Variants in KIR3DL2 observed in about 807,000 individuals in gnomAD.
KIR3DL2 encodes the protein killer cell immunoglobulin-like receptor 3DL2.
In KIR3DL2, 42 loss-of-function variants were observed where a neutral mutation model predicts 41.6. The observed-to-expected ratio is 1.01, with a 90% CI of 0.79 to 1.31. The LOEUF is 1.31. Ranked by LOEUF, KIR3DL2 falls within the 50% of genes most tolerant of loss-of-function variation. KIR3DL2 has a pLI of 0.00. For missense variants in KIR3DL2, 728 were observed against 576.8 expected (o/e 1.26, Z -2.68); for synonymous variants, 230 against 221.3 (o/e 1.04, Z -0.35).
chr19:54,857,825 C>G (rs1429048400), intron 5 of KIR3DL2, among the ~76,000 whole-genome samples: 2 of 151,768 alleles, frequency 1.3e-5, no homozygotes, highest in East Asian at 1.9e-4. Context: ...GAATTACAGG[C>G]GTGAGCCACC....
rs1235573314 is a variant in KIR3DL2 at position 54,866,868 on chromosome 19, C to G, written c.*137C>G. 2.3e-5 allele frequency: 23 copies of G among 1,013,694 alleles called. No homozygotes were observed. Among genetic ancestry groups the G allele is most frequent in the Non-Finnish European group, 3.1e-5 (21 of 676,670 alleles). The allele number at this position is 1,013,694 out of a possible 1,614,324, so 62.8% of individuals were successfully genotyped here. ...TCTGAACATGCCTCTCTCTTGCTTA[C>G]AAATGCCTAAGGTCGCCACTGCCTG... On this transcript the variant is annotated 3_prime_UTR_variant, in exon 9 of 9. Coordinates refer to ENST00000326321, the MANE Select transcript of KIR3DL2 (RefSeq NM_006737.4).
rs1426088519 is a variant in KIR3DL2, at chr19:54,866,218, T to C, written c.1106-152T>C. 2.9e-5 allele frequency: 23 copies of C among 789,008 alleles called. No homozygotes were observed. The Admixed American group carries it at 5.1e-4, about 17-fold the overall frequency. 48.9% of individuals were successfully genotyped at this position (789,008 alleles called of 1,614,324 possible). On this transcript the variant is annotated intron_variant, in intron 7 of 8. Transcript: ENST00000326321. ...GAGAGCACTTCATGGGATGGGGTCT[T>C]GAACTCAGAGAGATAGAATGTCTGA...
Position 54,865,974 on chromosome 19 carries a change from C to T in KIR3DL2, c.1105+65C>T, listed in dbSNP as rs191856811. The stretch of plus-strand genomic sequence containing the variant: ...TGTGGGGAAGCAGGATGGGAGCACG[C>T]GGGTGTGTGTTCCTCACTGGCAGGA... On this transcript the variant is annotated intron_variant, in intron 7 of 8. Transcript: ENST00000326321. 6,006 of 1,375,120 alleles carry T rather than the reference C, an allele frequency of 4.4e-3. 20 individuals carry two copies. The highest frequency in any genetic ancestry group is 5.2e-3 in the Non-Finnish European group (5,122 of 976,076). 85.2% of individuals were successfully genotyped at this position (1,375,120 alleles called of 1,614,324 possible). A position where few individuals can be genotyped will look rare whatever the true frequency, so the allele number is the denominator to read the frequency against.
intron 6 of KIR3DL2, among the ~76,000 whole-genome samples, chr19:54,861,389 G>A (rs35005744): frequency 0.12 from 18,839 of 152,052 alleles, 1,330 homozygotes; most frequent in African/African-American, 0.19. Context: ...GCTCACGCCT[G>A]TAACCCAGCA....
chr19:54,855,831 A>T lies in KIR3DL2; in HGVS notation c.868A>T (p.Thr290Ser). 6.2e-7 allele frequency: 1 copy of T among 1,613,428 alleles called. No homozygotes were observed. The highest frequency in any genetic ancestry group is 8.5e-7 in the Non-Finnish European group (1 of 1,179,938). The change falls in exon 5 of 9, where the codon ACC becomes TCC. Residue 290 changes from threonine to serine, a missense_variant. Coordinates refer to ENST00000326321, the MANE Select transcript of KIR3DL2 (RefSeq NM_006737.4). Reference sequence around the variant, plus strand: ...TCTGGGCCCTGCCACCCACGGAGGGACCTACAGATGCTTCGGCTCTTTCCG... The same window carrying T: ...TCTGGGCCCTGCCACCCACGGAGGGTCCTACAGATGCTTCGGCTCTTTCCG... The part of the protein sequence containing the change: ...FPLGPATHGG[T>S]YRCFGSFRAL...
chr19:54,854,154 G>C lies in KIR3DL2; in HGVS notation c.655+108G>C. ...AGGAAGATAAGCGTGGGATTCTTAT[G>C]GAGAGAGACTGACTCGGTGAGGTCT... On this transcript the variant is annotated intron_variant, in intron 4 of 8. Transcript: ENST00000326321. 8.1e-6 allele frequency: 11 copies of C among 1,353,758 alleles called. No individual in the cohort carries two copies. The South Asian group carries it at 1.2e-4, about 14-fold the overall frequency. 83.9% of individuals were successfully genotyped at this position (1,353,758 alleles called of 1,614,324 possible).
Position 54,855,752 on chromosome 19 carries a change from A to G in KIR3DL2, c.789A>G (p.Glu263=). ...YHLSREGEAH[E]RRLRAVPKVN... is the part of the protein sequence containing the mutation. ...TGTCCAGGGAAGGGGAGGCCCATGA[A>G]CGTAGGCTCCGTGCAGTGCCCAAGG... is the stretch of plus-strand genomic sequence containing the variant. The change falls in exon 5 of 9, where the codon GAA becomes GAG. Residue 263 remains glutamate (E), a synonymous_variant. Coordinates refer to ENST00000326321, the MANE Select transcript of KIR3DL2 (RefSeq NM_006737.4). 1 of 1,613,392 alleles carries G rather than the reference A, an allele frequency of 6.2e-7. No individual in the cohort carries two copies. Among genetic ancestry groups the G allele is most frequent in the Non-Finnish European group, 8.5e-7 (1 of 1,179,922 alleles).
chr19:54,859,467 C>G (rs1030678976), intron 6 of KIR3DL2, among the ~76,000 whole-genome samples: 3 of 150,020 alleles, frequency 2.0e-5, no homozygotes, highest in Non-Finnish European at 3.0e-5. Context: ...GGGAAGGGAA[C>G]ATCTGATGAG....
In KIR3DL2 at chr19:54,866,655, T is replaced by G; in HGVS notation, c.1292T>G (p.Leu431Arg). 5 of 1,613,942 alleles carry G rather than the reference T, an allele frequency of 3.1e-6. No individual in the cohort carries two copies. Among genetic ancestry groups the G allele is most frequent in the Non-Finnish European group, 4.2e-6 (5 of 1,179,960 alleles). Residue 431 changes from leucine to arginine, a missense_variant, in exon 9 of 9, where the codon CTT becomes CGT. Leu to Arg is a moderately radical substitution (Grantham distance 102). Coordinates refer to ENST00000326321, the MANE Select transcript of KIR3DL2 (RefSeq NM_006737.4). ...PLTDTSVYTELPNAEPRSKVV... is the reference protein window; with the variant it reads ...PLTDTSVYTERPNAEPRSKVV... ...ACAGATACCAGCGTGTACACGGAAC[T>G]TCCAAATGCTGAGCCCAGATCCAAA...
intron 3 of KIR3DL2, among the ~76,000 whole-genome samples, chr19:54,853,379 G>C (rs1325352199): frequency 6.6e-6 from 1 of 151,758 alleles, no homozygotes; most frequent in Non-Finnish European, 1.5e-5. Flanking sequence ...ACCTCTGCCA[G>C]AGACTCCAAT....
intron 6 of KIR3DL2, among the ~76,000 whole-genome samples, chr19:54,861,130 G>T (rs1280631231): frequency 2.0e-5 from 3 of 150,928 alleles, no homozygotes; most frequent in Non-Finnish European, 4.4e-5. Context: ...GTGAAATGTG[G>T]TGCTGATTTA....
chr19:54,858,192 G>A (rs1292843900), intron 5 of KIR3DL2, among the ~76,000 whole-genome samples: 11 of 150,442 alleles, frequency 7.3e-5, no homozygotes, highest in African/African-American at 2.5e-4. Context: ...GATTACTTGT[G>A]TTTTGAAGGT....
In KIR3DL2 at chr19:54,852,184, C is replaced by G. The variant is rs775177737; in HGVS notation, c.257C>G (p.Thr86Ser). 5 of 1,612,628 alleles carry G rather than the reference C, an allele frequency of 3.1e-6. No homozygotes were observed. The highest frequency in any genetic ancestry group is 1.3e-5 in the African/African-American group (1 of 74,462). Reference protein sequence around the residue: ...FQESFIMGPVTPAHAGTYRCR... With the variant: ...FQESFIMGPVSPAHAGTYRCR... ...GAGAGCTTCATCATGGGCCCTGTGACCCCAGCACATGCAGGGACCTACAGA... is the reference window on the plus strand; with the variant it reads ...GAGAGCTTCATCATGGGCCCTGTGAGCCCAGCACATGCAGGGACCTACAGA... Residue 86 changes from threonine (T) to serine (S), a missense_variant, in exon 3 of 9, where the codon ACC becomes AGC. Transcript: ENST00000326321.
intron 6 of KIR3DL2, among the ~76,000 whole-genome samples, chr19:54,863,885 C>G (rs1289727245): frequency 6.6e-6 from 1 of 152,022 alleles, no homozygotes; most frequent in African/African-American, 2.4e-5. Flanking sequence ...TCAATTTTGG[C>G]TTTTGTTGCC....
intron 6 of KIR3DL2, among the ~76,000 whole-genome samples, chr19:54,862,151 A>G (rs1336091496): frequency 2.0e-5 from 3 of 152,136 alleles, no homozygotes; most frequent in Non-Finnish European, 4.4e-5. Flanking sequence ...ACAGCAGCCT[A>G]ACATGTGTCT....
chr19:54,852,408 T>C, intron 3 of KIR3DL2, 126 bp downstream of exon 3: 1 of 1,284,028 alleles, frequency 7.8e-7, no homozygotes, highest in Non-Finnish European at 1.1e-6. Context: ...GGAGATTGAA[T>C]ACAGGGGAAA....
intron 6 of KIR3DL2, among the ~76,000 whole-genome samples, chr19:54,863,900 C>T (rs1359585026): frequency 4.6e-5 from 7 of 152,134 alleles, no homozygotes; most frequent in Admixed American, 2.6e-4. Context: ...GTTGCCGTTG[C>T]TTTTGGTGTT....
At chr19:54,852,610 C>T (rs1443004602) in intron 3 of KIR3DL2, among the ~76,000 whole-genome samples, 2 of 150,316 alleles carry the variant, frequency 1.3e-5, no homozygotes, top group Admixed American at 6.6e-5. Context: ...CAAGGGTCCG[C>T]GTGAGAGGTG....
At chr19:54,859,957 C>T (rs2065059322) in intron 6 of KIR3DL2, among the ~76,000 whole-genome samples, 1 of 151,872 alleles carries the variant, frequency 6.6e-6, no homozygotes, top group Non-Finnish European at 1.5e-5. Flanking sequence ...TCTTCCTTAC[C>T]ACACCTCTTT....
Sources: gnomAD v4.1 joint callset for allele counts (sites outside exome capture counted in the v4.1 genomes callset) on GRCh38, gnomAD v4.1.1 for gene constraint, MANE v1.5 for transcripts, NCBI Gene and HGNC (gene_info 2026-07-23, HGNC 2026-07-21) for gene names.